Variants in SSBP2 observed in about 807,000 individuals in gnomAD.
The protein encoded by SSBP2 is single stranded DNA binding protein 2, also known as single-stranded DNA-binding protein 2.
A neutral mutation model predicts 61.8 loss-of-function variants in SSBP2; 17 were observed. The observed-to-expected ratio is 0.28, with a 90% CI of 0.19 to 0.41. The LOEUF is 0.41. Among genes scored for constraint, SSBP2 ranks in the 10% least tolerant of loss-of-function variants. The pLI is 1.00. For synonymous variants in SSBP2, 139 were observed against 141.3 expected, an observed-to-expected ratio of 0.98 and a Z score of 0.12; for missense variants, 310 against 458.7, an observed-to-expected ratio of 0.68 and a Z score of 2.96.
intron 1 of SSBP2, among the ~76,000 whole-genome samples, chr5:81,714,444 TG>T (rs745996351): frequency 3.3e-5 from 5 of 152,214 alleles, no homozygotes; most frequent in Non-Finnish European, 7.3e-5. Flanking sequence ...GCTGGTCAAA[TG>T]GTATTTCTGG....
At chr5:81,678,475 GA>G (rs1752155430) in intron 1 of SSBP2, among the ~76,000 whole-genome samples, 2 of 151,974 alleles carry the variant, frequency 1.3e-5, no homozygotes, top group African/African-American at 4.8e-5. Context: ...AGTAGGAAAG[GA>G]AAGAGAAAAA....
At chr5:81,575,621 G>T (rs1300399484) in intron 4 of SSBP2, among the ~76,000 whole-genome samples, 1 of 151,990 alleles carries the variant, frequency 6.6e-6, no homozygotes, top group East Asian at 1.9e-4. Flanking sequence ...AACAGAAAAT[G>T]AGAAGAATAC....
chr5:81,526,036 A>G (rs1305542408), intron 4 of SSBP2, among the ~76,000 whole-genome samples: 1 of 152,060 alleles, frequency 6.6e-6, no homozygotes, highest in Non-Finnish European at 1.5e-5. Flanking sequence ...CTACATACTC[A>G]TCTTCTAAAA....
At chr5:81,455,223 T>C (rs1304571122) in intron 10 of SSBP2, among the ~76,000 whole-genome samples, 1 of 152,202 alleles carries the variant, frequency 6.6e-6, no homozygotes, top group Non-Finnish European at 1.5e-5. Context: ...CCTGCTTCTT[T>C]TCCTGTGATC....
intron 1 of SSBP2, among the ~76,000 whole-genome samples, chr5:81,694,149 G>C (rs1753424856): frequency 6.6e-6 from 1 of 152,186 alleles, no homozygotes; most frequent in South Asian, 2.1e-4. Context: ...CATGGAGACA[G>C]AAAGTAGAAT....
At chr5:81,462,336 A>C (rs566630117) in intron 9 of SSBP2, among the ~76,000 whole-genome samples, 1 of 152,330 alleles carries the variant, frequency 6.6e-6, no homozygotes, top group South Asian at 2.1e-4. Context: ...GTTAGTTATG[A>C]TATTACCCAT....
At position 81,446,879 on chromosome 5, in the gene SSBP2, G is replaced by C; in HGVS notation, c.767C>G (p.Pro256Arg). 6.2e-7 allele frequency: 1 copy of C among 1,608,476 alleles called. No individual in the cohort carries two copies. ...TTTGATTACAATACCTGCTGGACTA[G>C]GCATGATGGGTGTTCCTGGTGGCCC... is the stretch of plus-strand genomic sequence containing the variant. The change falls in exon 12 of 17, where the codon CCT (proline) becomes CGT (arginine). Residue 256 changes from proline (P) to arginine (R), a missense_variant. Physicochemically the swap from Pro to Arg is moderately radical, Grantham distance 103. Transcript: ENST00000320672.
chr5:81,633,108 C>CTTTTTTT (rs143423636), intron 3 of SSBP2, among the ~76,000 whole-genome samples: 2 of 64,854 alleles, frequency 3.1e-5, no homozygotes, highest in African/African-American at 1.4e-4. Context: ...GAGCCTCTGT[C>CTTTTTTT]TTTTTTTTTT....
chr5:81,628,104 TAA>T (rs1747354410), intron 3 of SSBP2, among the ~76,000 whole-genome samples: 1 of 151,904 alleles, frequency 6.6e-6, no homozygotes, highest in African/African-American at 2.4e-5. Flanking sequence ...AAGCTGCTAA[TAA>T]AGACATACCT....
At chr5:81,746,966 G>C (rs1351210867) in intron 1 of SSBP2, among the ~76,000 whole-genome samples, 9 of 137,604 alleles carry the variant, frequency 6.5e-5, no homozygotes, top group African/African-American at 2.4e-4. Flanking sequence ...ATTTCATATA[G>C]GAATTGTTCA....
At chr5:81,586,220 A>G (rs1775045028) in intron 4 of SSBP2, among the ~76,000 whole-genome samples, 1 of 152,186 alleles carries the variant, frequency 6.6e-6, no homozygotes, top group Non-Finnish European at 1.5e-5. Context: ...GAACTCCTGT[A>G]ATGTTTTCCA....
chr5:81,513,777 A>G, intron 4 of SSBP2, 60 bp from the exon 5 acceptor site: 1 of 1,069,122 alleles, frequency 9.4e-7, no homozygotes, highest in Non-Finnish European at 1.4e-6. Flanking sequence ...AAAACCAAAG[A>G]CTAATGATAA....
chr5:81,565,686 G>GT (rs1316503549), intron 4 of SSBP2, among the ~76,000 whole-genome samples: 1 of 151,988 alleles, frequency 6.6e-6, no homozygotes, highest in East Asian at 1.9e-4. Context: ...AGAACCAACC[G>GT]TATCTTTTAT....
rs1766523643 is a variant in SSBP2, at chr5:81,488,021, AT to A, written c.432+1228del. 2.1e-4 allele frequency among the ~76,000 whole-genome samples: 3 copies of A among 14,114 alleles called. 1 individual carries two copies. In the South Asian group the frequency reaches 3.2e-3, roughly 15 times the overall value. The allele number at this position is 14,114 out of a possible 152,430, so 9.3% of individuals were successfully genotyped here. ...GTTTATGGCCAAATAATATATATAT[AT>A]ATATATATATATATATATATATATA... On this transcript the variant is annotated intron_variant, in intron 6 of 16. Transcript: ENST00000320672.
In SSBP2 at chr5:81,489,438, T is replaced by C. The variant is rs556240826; in HGVS notation, c.373-129A>G. 2.1e-5 allele frequency: 15 copies of C among 702,344 alleles called. 1 individual carries two copies. The Admixed American group carries it at 5.2e-4, about 24-fold the overall frequency. 43.5% of individuals were successfully genotyped at this position (702,344 alleles called of 1,614,324 possible). ...CAAATCAATGTACTTTGAGGCTGCTTTCAGCATAATAAATGCTTTTAAGAA... is the reference window on the plus strand; with the variant it reads ...CAAATCAATGTACTTTGAGGCTGCTCTCAGCATAATAAATGCTTTTAAGAA... On this transcript the variant is annotated intron_variant, in intron 5 of 16. Transcript: ENST00000320672.
At chr5:81,588,775 T>C (rs1775269134) in intron 4 of SSBP2, among the ~76,000 whole-genome samples, 1 of 152,140 alleles carries the variant, frequency 6.6e-6, no homozygotes, top group Admixed American at 6.5e-5. Context: ...TTTTTAAAAA[T>C]GTTAATGGGC....
At chr5:81,581,196 G>T (rs1160806280) in intron 4 of SSBP2, among the ~76,000 whole-genome samples, 2 of 152,154 alleles carry the variant, frequency 1.3e-5, no homozygotes, top group African/African-American at 4.8e-5. Flanking sequence ...AGTGGGCAAG[G>T]TATGCTGTAA....
At position 81,455,357 on chromosome 5, in the gene SSBP2, C is replaced by T. The variant is rs1764067499; in HGVS notation, c.687+5698G>A. ...CTTCTAGGCCGGGCGCGGTGGCTCA[C>T]GCCTGTAATCCCAGCACTTTGGGAG... On this transcript the variant is annotated intron_variant, in intron 10 of 16. Transcript: ENST00000320672. 7.4e-5 allele frequency among the ~76,000 whole-genome samples: 4 copies of T among 53,724 alleles called. 1 individual carries two copies. Among genetic ancestry groups the T allele is most frequent in the African/African-American group, 6.9e-4 (1 of 1,456 alleles). The allele number at this position is 53,724 out of a possible 152,430, so 35.2% of individuals were successfully genotyped here. A position where few individuals can be genotyped will look rare whatever the true frequency, so the allele number is the denominator to read the frequency against.
intron 4 of SSBP2, among the ~76,000 whole-genome samples, chr5:81,543,480 C>A (rs1373028629): frequency 6.6e-6 from 1 of 151,982 alleles, no homozygotes; most frequent in South Asian, 2.1e-4. Context: ...ACGATGCCAG[C>A]AATAGACACT....
Sources: allele counts gnomAD v4.1 joint callset (sites outside exome capture counted in the v4.1 genomes callset), GRCh38; gene constraint gnomAD v4.1.1; transcripts MANE v1.5; gene names NCBI Gene and HGNC (gene_info 2026-07-23, HGNC 2026-07-21).